CELF2: variants seen among roughly 807,000 people sequenced by gnomAD.
CELF2 encodes CUGBP Elav-like family member 2.
Under a neutral mutation model 62.6 loss-of-function variants are expected in CELF2, and 8 were observed. The ratio of observed to expected loss-of-function variants is 0.13; its 90% CI spans 0.07 to 0.23. The LOEUF (loss-of-function observed/expected upper bound fraction) is 0.23. Among genes scored for constraint, CELF2 ranks in the 10% least tolerant of loss-of-function variants. The pLI is 1.00. For synonymous variants in CELF2, 258 were observed against 250.0 expected (o/e 1.03, Z -0.30); for missense variants, 333 against 671.0 (o/e 0.50, Z 5.56).
intron 1 of CELF2, among the ~76,000 whole-genome samples, chr10:10,889,928 G>T (rs1489485987): frequency 6.6e-6 from 1 of 152,174 alleles, no homozygotes; most frequent in East Asian, 1.9e-4. Flanking sequence ...CATGATAAAT[G>T]TGGGGCATTT....
intron 1 of CELF2, among the ~76,000 whole-genome samples, chr10:11,042,477 G>A (rs1293543532): frequency 6.6e-6 from 1 of 152,192 alleles, no homozygotes; most frequent in Non-Finnish European, 1.5e-5. Context: ...GACAGCGTAA[G>A]ACTTTAACCT....
intron 10 of CELF2, among the ~76,000 whole-genome samples, chr10:11,320,098 A>G (rs915480371): frequency 6.6e-6 from 1 of 152,208 alleles, no homozygotes; most frequent in African/African-American, 2.4e-5. Context: ...ATCTTTTCTT[A>G]AAGAACTGTG....
At chr10:10,909,225 C>T (rs1164260401) in intron 1 of CELF2, among the ~76,000 whole-genome samples, 1 of 152,184 alleles carries the variant, frequency 6.6e-6, no homozygotes, top group Non-Finnish European at 1.5e-5. Flanking sequence ...TCACCGCAGC[C>T]ACACTGCTGC....
At position 11,318,804 on chromosome 10, in the gene CELF2, C is replaced by A; in HGVS notation, c.1097-2385C>A. On this transcript the variant is annotated intron_variant, in intron 10 of 12. Coordinates refer to ENST00000633077, the MANE Select transcript of CELF2 (RefSeq NM_001326342.2). The surrounding 1 kb of genome is among the most constrained non-coding windows in gnomAD (Gnocchi z 5.4). ...GAAGGGAGTTGGGTCCCAGTGACCACTGCCATAAAATGCCACCTGTGTATC... is the reference window on the plus strand; with the variant it reads ...GAAGGGAGTTGGGTCCCAGTGACCAATGCCATAAAATGCCACCTGTGTATC... The A allele has an allele frequency of 4.2e-6, 2 of 471,334 alleles. No homozygotes were observed. The highest frequency in any genetic ancestry group is 3.2e-4 in the Middle Eastern group (1 of 3,078). 29.2% of individuals were successfully genotyped at this position (471,334 alleles called of 1,614,324 possible).
intron 1 of CELF2, among the ~76,000 whole-genome samples, chr10:10,805,635 G>A (rs777968063): frequency 6.6e-5 from 10 of 152,086 alleles, no homozygotes; most frequent in African/African-American, 1.9e-4. Flanking sequence ...CTTTTAATGA[G>A]GGGGGGAGAC....
At chr10:10,917,742 T>C (rs1370748143) in intron 1 of CELF2, 2 of 152,206 alleles carry the variant, frequency 1.3e-5, no homozygotes, top group Non-Finnish European at 2.9e-5. Flanking sequence ...TGGGGAGCAG[T>C]ACTACCGGCA....
the CELF2 span, among the ~76,000 whole-genome samples, chr10:10,710,028 C>T: frequency 1.3e-5 from 2 of 152,336 alleles, no homozygotes; most frequent in East Asian, 1.9e-4. Context: ...TCCCTGGTGG[C>T]TCTTGGATCT....
At chr10:10,566,024 G>A in the CELF2 span, among the ~76,000 whole-genome samples, 1 of 152,040 alleles carries the variant, frequency 6.6e-6, no homozygotes, top group East Asian at 1.9e-4. Flanking sequence ...CAGAACTTTG[G>A]AAATTACATG....
intron 1 of CELF2, among the ~76,000 whole-genome samples, chr10:10,822,824 T>A (rs1054980496): frequency 1.3e-5 from 2 of 152,228 alleles, no homozygotes; most frequent in African/African-American, 4.8e-5. Flanking sequence ...TTACTTATTA[T>A]AGATTTTATA....
the CELF2 span, among the ~76,000 whole-genome samples, chr10:10,525,073 T>C: frequency 1.3e-5 from 2 of 152,326 alleles, no homozygotes; most frequent in East Asian, 3.9e-4. Context: ...TTTGCATACG[T>C]TGTGGAATGA....
chr10:10,686,310 T>TTGGGGG, the CELF2 span, among the ~76,000 whole-genome samples: 19 of 69,812 alleles, frequency 2.7e-4, 3 homozygotes, highest in East Asian at 4.7e-4. Flanking sequence ...TTGGATTTTT[T>TTGGGGG]GGGGGGGGGG....
chr10:11,173,051 G>A (rs2069490294), intron 2 of CELF2, among the ~76,000 whole-genome samples: 1 of 151,360 alleles, frequency 6.6e-6, no homozygotes, highest in Admixed American at 6.6e-5. Flanking sequence ...TTGCCACTGA[G>A]TGCATGTCTA....
At chr10:10,765,518 C>T in the CELF2 span, among the ~76,000 whole-genome samples, 1 of 152,202 alleles carries the variant, frequency 6.6e-6, no homozygotes, top group African/African-American at 2.4e-5. Flanking sequence ...ACTCCCCGAC[C>T]ACAATTGGGC....
At chr10:11,023,178 C>T (rs113232692) in intron 1 of CELF2, among the ~76,000 whole-genome samples, 1 of 152,084 alleles carries the variant, frequency 6.6e-6, no homozygotes, top group African/African-American at 2.4e-5. Context: ...TTTACAGAAC[C>T]ACAGAAGGGA....
intron 1 of CELF2, among the ~76,000 whole-genome samples, chr10:10,802,610 T>G (rs7913127): frequency 0.71 from 108,513 of 152,110 alleles, 38,937 homozygotes; most frequent in African/African-American, 0.79. Flanking sequence ...ATATCTGGTG[T>G]CTCCTTTACC....
chr10:10,867,784 A>C (rs1384742875), intron 1 of CELF2, among the ~76,000 whole-genome samples: 1 of 152,222 alleles, frequency 6.6e-6, no homozygotes, highest in African/African-American at 2.4e-5. Flanking sequence ...GATGGAAAAA[A>C]TCCCAGCCCC....
chr10:11,187,038 T>C (rs1269595500), intron 2 of CELF2, among the ~76,000 whole-genome samples: 4 of 152,164 alleles, frequency 2.6e-5, no homozygotes, highest in Non-Finnish European at 4.4e-5. Context: ...TTGGACTGAG[T>C]GTTCTACAAA....
chr10:10,606,413 A>T, the CELF2 span, among the ~76,000 whole-genome samples: 1 of 152,182 alleles, frequency 6.6e-6, no homozygotes, highest in African/African-American at 2.4e-5. Context: ...ACTTAAATTT[A>T]ATTAATTAAA....
the CELF2 span, among the ~76,000 whole-genome samples, chr10:10,538,376 G>A: frequency 6.6e-6 from 1 of 152,226 alleles, no homozygotes. Context: ...GAGAGATGCA[G>A]AAGGGTGGAC....
Sources: gnomAD v4.1 joint callset for allele counts (sites outside exome capture counted in the v4.1 genomes callset) on GRCh38, gnomAD v4.1.1 for gene constraint, Gnocchi (gnomAD v3.1) non-coding constraint, MANE v1.5 for transcripts, NCBI Gene and HGNC (gene_info 2026-07-23, HGNC 2026-07-21) for gene names.